The following AGBL1 variants were observed in gnomAD, a reference collection of about 807,000 sequenced individuals.
AGBL1 encodes cytosolic carboxypeptidase 4.
In AGBL1, 130 loss-of-function variants were observed where a neutral mutation model predicts 118.9. The observed-to-expected ratio is 1.09, with a 90% CI of 0.95 to 1.26. The LOEUF is 1.26. Ranked by LOEUF, AGBL1 falls within the 50% of genes most tolerant of loss-of-function variation. The pLI is 0.00. For synonymous variants in AGBL1, 555 were observed against 478.9 expected (o/e 1.16, Z -2.08); for missense variants, 1,584 against 1,298.1 (o/e 1.22, Z -3.38).
chr15:86,414,067 T>G (rs561794065), intron 18 of AGBL1, among the ~76,000 whole-genome samples: 1 of 152,162 alleles, frequency 6.6e-6, no homozygotes, highest in South Asian at 2.1e-4. Flanking sequence ...TGAAAAAAAC[T>G]CAGAAATGGA....
chr15:87,004,450 C>A (rs2081475672), intron 24 of AGBL1, among the ~76,000 whole-genome samples: 1 of 152,186 alleles, frequency 6.6e-6, no homozygotes, highest in Non-Finnish European at 1.5e-5. Flanking sequence ...TAATGGCCTT[C>A]CTTGTCTCTT....
At chr15:86,666,827 C>T (rs1335893680) in intron 21 of AGBL1, among the ~76,000 whole-genome samples, 1 of 152,108 alleles carries the variant, frequency 6.6e-6, no homozygotes, top group African/African-American at 2.4e-5. Flanking sequence ...AAAACCGAGG[C>T]ACTAAAAAGT....
At chr15:86,507,259 A>G (rs1018527204) in intron 18 of AGBL1, among the ~76,000 whole-genome samples, 3 of 152,144 alleles carry the variant, frequency 2.0e-5, no homozygotes, top group Non-Finnish European at 2.9e-5. Context: ...AGAAAGATGA[A>G]GATCTAATCA....
intron 21 of AGBL1, among the ~76,000 whole-genome samples, chr15:86,573,136 C>A (rs991377095): frequency 1.3e-5 from 2 of 152,170 alleles, no homozygotes; most frequent in South Asian, 4.1e-4. Context: ...TTGTTTTAAG[C>A]TGAAGTTTGT....
At chr15:86,564,736 G>T (rs985109811) in intron 21 of AGBL1, among the ~76,000 whole-genome samples, 2 of 152,140 alleles carry the variant, frequency 1.3e-5, no homozygotes, top group Admixed American at 6.5e-5. Context: ...TTTCCAACTT[G>T]GTTCCATTCA....
intron 23 of AGBL1, among the ~76,000 whole-genome samples, chr15:86,970,261 A>C (rs1239589278): frequency 6.6e-6 from 1 of 151,972 alleles, no homozygotes; most frequent in Non-Finnish European, 1.5e-5. Flanking sequence ...CCCCAATTTC[A>C]ATACAGGAAT....
At position 86,226,528 on chromosome 15, in the gene AGBL1, A is replaced by G. The variant is rs117782126; in HGVS notation, c.526+1577A>G. On this transcript the variant is annotated intron_variant, in intron 6 of 22. Transcript: ENST00000614907. ...TGAGCTTACGGTTGAGCATCCTGAT[A>G]TAAATTGTACCTACCTAGATGTGTA... is the stretch of plus-strand genomic sequence containing the variant. Among the ~76,000 whole-genome samples the G allele has an allele frequency of 3.5e-4, 54 of 152,320 alleles. No individual in the cohort carries two copies. In the East Asian group the frequency reaches 9.8e-3, roughly 28 times the overall value.
chr15:86,899,143 G>A (rs532039991), intron 22 of AGBL1, among the ~76,000 whole-genome samples: 98 of 152,242 alleles, frequency 6.4e-4, no homozygotes, highest in African/African-American at 2.2e-3. Context: ...CAATTTAAAT[G>A]CCCATCGATG....
At chr15:86,472,391 A>C (rs1388846894) in intron 18 of AGBL1, among the ~76,000 whole-genome samples, 1 of 152,144 alleles carries the variant, frequency 6.6e-6, no homozygotes, top group Non-Finnish European at 1.5e-5. Flanking sequence ...TTGGCCAGTG[A>C]ATTGACAATT....
chr15:87,025,276 G>A (rs1370209368), intron 24 of AGBL1, among the ~76,000 whole-genome samples: 1 of 152,120 alleles, frequency 6.6e-6, no homozygotes, highest in South Asian at 2.1e-4. Context: ...AAAGAATTCA[G>A]CAAAGTTTCC....
chr15:86,748,072 T>G (rs1244689005), intron 22 of AGBL1, among the ~76,000 whole-genome samples: 1 of 152,204 alleles, frequency 6.6e-6, no homozygotes, highest in Admixed American at 6.5e-5. Flanking sequence ...CCATCATGGT[T>G]GAACTAGTTT....
chr15:86,474,330 G>A lies in AGBL1; in HGVS notation c.2556-48480G>A, dbSNP rs1044439680. Among the ~76,000 whole-genome samples, 5 of 152,342 alleles carry A rather than the reference G, an allele frequency of 3.3e-5. No individual in the cohort carries two copies. The East Asian group carries it at 9.6e-4, about 29-fold the overall frequency. On this transcript the variant is annotated intron_variant, in intron 18 of 22. Coordinates refer to ENST00000614907, the MANE Select transcript of AGBL1 (RefSeq NM_001386094.1). Reference sequence around the variant, plus strand: ...TCAAGGAATTCCCTTTCCTAGCTAAGTGAAGCTGTGACAGATGGCACCTGG... The same window carrying A: ...TCAAGGAATTCCCTTTCCTAGCTAAATGAAGCTGTGACAGATGGCACCTGG...
At chr15:86,227,523 T>C (rs550158081) in intron 6 of AGBL1, among the ~76,000 whole-genome samples, 1 of 152,384 alleles carries the variant, frequency 6.6e-6, no homozygotes, top group South Asian at 2.1e-4. Flanking sequence ...GACGCCAGTA[T>C]CATGCCTCAG....
intron 22 of AGBL1, among the ~76,000 whole-genome samples, chr15:86,750,833 C>T (rs2077839494): frequency 6.6e-6 from 1 of 151,890 alleles, no homozygotes; most frequent in Non-Finnish European, 1.5e-5. Context: ...TGTTGTTCCC[C>T]TATATGTTCA....
intron 22 of AGBL1, among the ~76,000 whole-genome samples, chr15:86,858,169 G>T (rs774727971): frequency 6.6e-6 from 1 of 152,110 alleles, no homozygotes; most frequent in Admixed American, 6.5e-5. Context: ...CCTGGAGGGG[G>T]ACATGTTCAG....
At chr15:86,518,677 T>C (rs986763308) in intron 18 of AGBL1, among the ~76,000 whole-genome samples, 1 of 152,064 alleles carries the variant, frequency 6.6e-6, no homozygotes, top group Non-Finnish European at 1.5e-5. Flanking sequence ...AAGGTAAACA[T>C]AGGCAATAAG....
chr15:86,709,990 A>G (rs1197676594), intron 22 of AGBL1, among the ~76,000 whole-genome samples: 1 of 152,168 alleles, frequency 6.6e-6, no homozygotes, highest in Non-Finnish European at 1.5e-5. Context: ...CCCTGCTTCA[A>G]AGATGAGCAA....
intron 18 of AGBL1, among the ~76,000 whole-genome samples, chr15:86,416,374 C>T (rs999156890): frequency 1.3e-5 from 2 of 152,122 alleles, no homozygotes; most frequent in Admixed American, 1.3e-4. Flanking sequence ...TTGGGCTGTG[C>T]TTTCCAATGT....
intron 17 of AGBL1, among the ~76,000 whole-genome samples, chr15:86,346,551 A>G (rs1228509171): frequency 6.6e-6 from 1 of 151,708 alleles, no homozygotes; most frequent in Non-Finnish European, 1.5e-5. Context: ...GGGTTTCACC[A>G]TGTTAGCCAG....
Sources: allele counts gnomAD v4.1 joint callset (sites outside exome capture counted in the v4.1 genomes callset), GRCh38; gene constraint gnomAD v4.1.1; transcripts MANE v1.5; gene names NCBI Gene and HGNC (gene_info 2026-07-23, HGNC 2026-07-21).